GLG1: variants seen among roughly 807,000 people sequenced by gnomAD.
GLG1 encodes the protein golgi glycoprotein 1.
A neutral mutation model predicts 160.5 loss-of-function variants in GLG1; 38 were observed. That is an observed-to-expected ratio of 0.24 (90% CI 0.18 to 0.31). The LOEUF (loss-of-function observed/expected upper bound fraction) is 0.31, where lower values mean the gene tolerates loss of function less well. Among genes scored for constraint, GLG1 ranks in the 10% least tolerant of loss-of-function variants. GLG1 has a pLI of 1.00. For synonymous variants in GLG1, 644 were observed against 543.4 expected, an observed-to-expected ratio of 1.19 and a Z score of -2.57; for missense variants, 1,373 against 1,505.2, an observed-to-expected ratio of 0.91 and a Z score of 1.45.
At chr16:74,558,140 G>A (rs1452158699) in intron 1 of GLG1, among the ~76,000 whole-genome samples, 1 of 152,144 alleles carries the variant, frequency 6.6e-6, no homozygotes, top group Non-Finnish European at 1.5e-5. Context: ...ATGTACCTAA[G>A]AGGCTTTTCA....
intron 1 of GLG1, among the ~76,000 whole-genome samples, chr16:74,535,450 TTGAGA>T (rs2017662722): frequency 6.6e-6 from 1 of 152,174 alleles, no homozygotes; most frequent in Non-Finnish European, 1.5e-5. Flanking sequence ...TCATTTAGTT[TTGAGA>T]TAGAGTCTTG....
rs1271312007 is a variant in GLG1, at chr16:74,449,325, C to T, written c.*3842G>A. 6.6e-6 allele frequency: 1 copy of T among 152,164 alleles called. No individual in the cohort carries two copies. The highest frequency in any genetic ancestry group is 1.5e-5 in the Non-Finnish European group (1 of 68,050). 9.4% of individuals were successfully genotyped at this position (152,164 alleles called of 1,614,324 possible). A position where few individuals can be genotyped will look rare whatever the true frequency, so the allele number is the denominator to read the frequency against. ...ATAGTAGGAACTTCGGGGCAGAAGT[C>T]ACACCACAGGCCTGGAGGATGGGAG... On this transcript the variant is annotated 3_prime_UTR_variant, in exon 26 of 26. Coordinates refer to ENST00000422840, the MANE Select transcript of GLG1 (RefSeq NM_001145667.2).
chr16:74,530,336 G>A (rs2017492633), intron 2 of GLG1, among the ~76,000 whole-genome samples: 1 of 152,172 alleles, frequency 6.6e-6, no homozygotes, highest in Non-Finnish European at 1.5e-5. Context: ...CTGTTTTATA[G>A]CTTGTTTTTA....
rs763398161 is a variant in GLG1, at chr16:74,483,075, C to A, written c.1621G>T (p.Asp541Tyr). The A allele has an allele frequency of 6.2e-7, 1 of 1,610,468 alleles. No individual in the cohort carries two copies. ...AGCTCTAAGAGACGGTGTTCACAGTCTTCTACCATCTTCTCTGTGTATAAA... is the reference window on the plus strand; with the variant it reads ...AGCTCTAAGAGACGGTGTTCACAGTATTCTACCATCTTCTCTGTGTATAAA... ...EHLYTEKMVEDCEHRLLELQY... is the reference protein window; with the variant it reads ...EHLYTEKMVEYCEHRLLELQY... The change falls in exon 10 of 26, where the codon GAC becomes TAC. Residue 541 changes from aspartate to tyrosine, a missense_variant. By Grantham distance (160) the Asp-to-Tyr change is radical. Coordinates refer to ENST00000422840, the MANE Select transcript of GLG1 (RefSeq NM_001145667.2).
At chr16:74,457,195 G>A (rs1167891564) in intron 24 of GLG1, among the ~76,000 whole-genome samples, 1 of 152,176 alleles carries the variant, frequency 6.6e-6, no homozygotes, top group Non-Finnish European at 1.5e-5. Context: ...AGGAGTTTGA[G>A]ACTAGCCTGG....
At chr16:74,506,081 A>ATTTT (rs71376213) in intron 3 of GLG1, among the ~76,000 whole-genome samples, 16 of 101,906 alleles carry the variant, frequency 1.6e-4, no homozygotes, top group South Asian at 7.0e-4. Context: ...CCTGGAAAAG[A>ATTTT]TTTTTTTTTT....
intron 1 of GLG1, among the ~76,000 whole-genome samples, chr16:74,588,467 G>A (rs1478429086): frequency 6.6e-6 from 1 of 151,956 alleles, no homozygotes; most frequent in African/African-American, 2.4e-5. Flanking sequence ...GTCTCACTCT[G>A]ATGTCCAGGT....
intron 7 of GLG1, among the ~76,000 whole-genome samples, chr16:74,491,528 A>G (rs1343745332): frequency 6.6e-6 from 1 of 152,202 alleles, no homozygotes; most frequent in Non-Finnish European, 1.5e-5. Flanking sequence ...AAGCCAAAGA[A>G]CAATCTCCAT....
intron 1 of GLG1, among the ~76,000 whole-genome samples, chr16:74,585,435 G>C (rs565058050): frequency 9.9e-5 from 15 of 151,980 alleles, no homozygotes; most frequent in Admixed American, 1.3e-4. Flanking sequence ...GGCCGGGCCT[G>C]GTGGCTCACG....
At chr16:74,606,549 C>T (rs899291767) in intron 1 of GLG1, 108 bp downstream of exon 1, 4 of 924,890 alleles carry the variant, frequency 4.3e-6, no homozygotes, top group African/African-American at 1.7e-5. Context: ...GAGTGCAGCA[C>T]AGAGGAAGCA....
chr16:74,578,589 A>G (rs1208829613), intron 1 of GLG1, among the ~76,000 whole-genome samples: 1 of 152,236 alleles, frequency 6.6e-6, no homozygotes, highest in Non-Finnish European at 1.5e-5. Flanking sequence ...GTCCTTCATT[A>G]TCAACCTGAT....
chr16:74,450,959 C>A lies in GLG1; in HGVS notation c.*2208G>T, dbSNP rs540193362. ...AATTCAGAAAGAACAGAAATATCAA[C>A]ACAATTAGAACTATAAGGGTGTTTA... is the stretch of plus-strand genomic sequence containing the variant. On this transcript the variant is annotated 3_prime_UTR_variant, in exon 26 of 26. Coordinates refer to ENST00000422840, the MANE Select transcript of GLG1 (RefSeq NM_001145667.2). 1.3e-5 allele frequency: 2 copies of A among 151,932 alleles called. No homozygotes were observed. The highest frequency in any genetic ancestry group is 2.9e-5 in the Non-Finnish European group (2 of 68,006). The allele number at this position is 151,932 out of a possible 1,614,324, so 9.4% of individuals were successfully genotyped here. A position where few individuals can be genotyped will look rare whatever the true frequency, so the allele number is the denominator to read the frequency against.
At chr16:74,525,543 G>C (rs1054740449) in intron 2 of GLG1, among the ~76,000 whole-genome samples, 17 of 150,050 alleles carry the variant, frequency 1.1e-4, no homozygotes, top group African/African-American at 4.2e-4. Context: ...CTATCCTCCG[G>C]TATTAACTTT....
intron 7 of GLG1, among the ~76,000 whole-genome samples, chr16:74,492,546 C>T (rs1028466456): frequency 4.7e-5 from 7 of 149,956 alleles, no homozygotes; most frequent in African/African-American, 1.5e-4. Flanking sequence ...TTGCTAGGTG[C>T]GGTGGCTCAC....
Position 74,480,139 on chromosome 16 carries a change from T to A in GLG1, c.1827+102A>T. 3.1e-6 allele frequency: 3 copies of A among 972,622 alleles called. No homozygotes were observed. In the South Asian group the frequency reaches 4.2e-5, roughly 14 times the overall value. 60.2% of individuals were successfully genotyped at this position (972,622 alleles called of 1,614,324 possible). A position where few individuals can be genotyped will look rare whatever the true frequency, so the allele number is the denominator to read the frequency against. ...GCAATCTTCTCCCCACAAAATAGTC[T>A]AAAAAGTTTTCCTAATATGACTGAA... On this transcript the variant is annotated intron_variant, in intron 11 of 25. Coordinates refer to ENST00000422840, the MANE Select transcript of GLG1 (RefSeq NM_001145667.2).
rs551524056 is a variant in GLG1 at position 74,536,727 on chromosome 16, A to G, written c.439-4574T>C. On this transcript the variant is annotated intron_variant, in intron 1 of 25. Transcript: ENST00000422840. ...AACGTATTTTTATAATGCATATAACATGGGTGTAACTAATATTTTATGAGT... is the reference window on the plus strand; with the variant it reads ...AACGTATTTTTATAATGCATATAACGTGGGTGTAACTAATATTTTATGAGT... Among the ~76,000 whole-genome samples, 22 of 152,322 alleles carry G rather than the reference A, an allele frequency of 1.4e-4. No homozygotes were observed. In the East Asian group the frequency reaches 3.9e-3, roughly 27 times the overall value.
At chr16:74,530,706 T>C (rs1273311720) in intron 2 of GLG1, among the ~76,000 whole-genome samples, 2 of 151,938 alleles carry the variant, frequency 1.3e-5, no homozygotes, top group East Asian at 3.9e-4. Flanking sequence ...TTTGTGATCG[T>C]AGGTCACTGC....
chr16:74,534,491 T>C (rs1005770031), intron 1 of GLG1, among the ~76,000 whole-genome samples: 4 of 152,212 alleles, frequency 2.6e-5, no homozygotes, highest in Admixed American at 2.6e-4. Flanking sequence ...AAAGGTGCAT[T>C]CTTGAAAGAA....
chr16:74,587,788 G>A (rs530000946), intron 1 of GLG1, among the ~76,000 whole-genome samples: 25 of 151,908 alleles, frequency 1.6e-4, no homozygotes, highest in Admixed American at 5.9e-4. Context: ...CCTGGGAGGC[G>A]GAGGTTGCAG....
Sources: gnomAD v4.1 joint callset for allele counts (sites outside exome capture counted in the v4.1 genomes callset) on GRCh38, gnomAD v4.1.1 for gene constraint, MANE v1.5 for transcripts, NCBI Gene and HGNC (gene_info 2026-07-23, HGNC 2026-07-21) for gene names.